Variants in TSPAN1 observed in about 807,000 individuals in gnomAD.
The protein encoded by TSPAN1 is tetraspanin-1.
A neutral mutation model predicts 26.9 loss-of-function variants in TSPAN1; 23 were observed. The observed-to-expected ratio is 0.85, with a 90% confidence interval of 0.62 to 1.21. TSPAN1 has a LOEUF of 1.21. Among genes scored for constraint, TSPAN1 ranks in the 50% most tolerant of loss-of-function variants. TSPAN1 has a pLI of 0.00. For missense variants in TSPAN1, 283 were observed against 298.4 expected, an observed-to-expected ratio of 0.95 and a Z score of 0.38; for synonymous variants, 115 against 114.8, an observed-to-expected ratio of 1.00 and a Z score of -0.01.
chr1:46,176,806 A>G (rs1657184017), intron 1 of TSPAN1, among the ~76,000 whole-genome samples: 1 of 152,226 alleles, frequency 6.6e-6, no homozygotes, highest in South Asian at 2.1e-4. Flanking sequence ...TGAGCACTTT[A>G]CCAACGTTAT....
At chr1:46,190,121 T>TG, downstream of TSPAN1, 4 of 1,047,554 alleles carry the variant, frequency 3.8e-6, no homozygotes, top group Admixed American at 5.5e-5. Context: ...TTTTTTGAGA[T>TG]GGAGTCTTGC....
downstream of TSPAN1, chr1:46,190,399 G>A (rs1186033484): frequency 2.0e-6 from 3 of 1,511,790 alleles, no homozygotes; most frequent in Non-Finnish European, 2.8e-6. Flanking sequence ...ACAGGACCCT[G>A]TAAATTATGG....
intron 1 of TSPAN1, chr1:46,175,963 C>G: frequency 1.9e-6 from 1 of 514,424 alleles, no homozygotes; most frequent in Non-Finnish European, 3.5e-6. Flanking sequence ...ACCTCTGCCT[C>G]CCGGGTTCAA....
chr1:46,179,207 C>A lies in TSPAN1; in HGVS notation c.-141-1319C>A, dbSNP rs1008773174. On this transcript the variant is annotated intron_variant, in intron 1 of 8. Coordinates refer to ENST00000372003, the MANE Select transcript of TSPAN1 (RefSeq NM_005727.4). ...TGCCGGCAAATACCTGTGGTCCCAGCTACTTGGGAGGCTGAGGATCATTTG... is the reference window on the plus strand; with the variant it reads ...TGCCGGCAAATACCTGTGGTCCCAGATACTTGGGAGGCTGAGGATCATTTG... Among the ~76,000 whole-genome samples, 38 of 151,574 alleles carry A rather than the reference C, an allele frequency of 2.5e-4. 1 individual carries two copies. The highest frequency in any genetic ancestry group is 9.0e-4 in the African/African-American group (37 of 41,194).
the TSPAN1 span, chr1:46,193,741 G>A: frequency 6.3e-7 from 1 of 1,598,634 alleles, no homozygotes; most frequent in Non-Finnish European, 8.5e-7. Flanking sequence ...ACCCACAGAG[G>A]TGAATGCGTC....
At chr1:46,193,544 AC>A in the TSPAN1 span, 25 of 1,613,806 alleles carry the variant, frequency 1.5e-5, no homozygotes, top group Non-Finnish European at 1.9e-5. Context: ...CACCCGAGGC[AC>A]CCCCCAAGTC....
the TSPAN1 span, chr1:46,195,763 G>C: frequency 6.6e-7 from 1 of 1,508,774 alleles, no homozygotes; most frequent in Non-Finnish European, 9.0e-7. Flanking sequence ...GCTAGAAGCA[G>C]GGTTGGAGCT....
intron 1 of TSPAN1, chr1:46,176,344 T>G (rs767561998): frequency 3.3e-6 from 5 of 1,535,752 alleles, no homozygotes; most frequent in African/African-American, 1.4e-5. Flanking sequence ...GAGACCCTGT[T>G]GATATCTTCT....
intron 1 of TSPAN1, among the ~76,000 whole-genome samples, chr1:46,179,428 C>T (rs563717611): frequency 6.6e-6 from 1 of 152,082 alleles, no homozygotes; most frequent in Admixed American, 6.6e-5. Flanking sequence ...CCTTCTAGAG[C>T]AGGAAGAAAA....
the TSPAN1 span, chr1:46,193,814 C>T: frequency 5.0e-6 from 8 of 1,612,266 alleles, no homozygotes; most frequent in East Asian, 1.6e-4. Flanking sequence ...ACCTAAGCAC[C>T]CTCCTGTTCA....
downstream of TSPAN1, chr1:46,188,539 C>T (rs548270013): frequency 3.2e-5 from 36 of 1,111,026 alleles, 1 homozygote; most frequent in South Asian, 6.0e-4. Context: ...GAGACTCAGG[C>T]ATCCCCTGGT....
downstream of TSPAN1, chr1:46,189,922 G>C (rs1484482210): frequency 1.9e-6 from 3 of 1,613,996 alleles, no homozygotes; most frequent in Non-Finnish European, 2.5e-6. Context: ...ACGTAGGTGT[G>C]GCCCTCTGTG....
At chr1:46,189,059 C>G (rs1657533841), downstream of TSPAN1, 7 of 1,529,204 alleles carry the variant, frequency 4.6e-6, no homozygotes, top group South Asian at 2.6e-5. Flanking sequence ...CTGCCCTTCT[C>G]CAACAAGGAA....
chr1:46,188,473 G>C (rs924948213), downstream of TSPAN1, among the ~76,000 whole-genome samples: 4 of 152,188 alleles, frequency 2.6e-5, no homozygotes, highest in Non-Finnish European at 5.9e-5. Context: ...CCTCAAGTAG[G>C]GCGGGGCTAA....
chr1:46,183,225 C>T (rs1657352727), intron 3 of TSPAN1, among the ~76,000 whole-genome samples: 1 of 152,210 alleles, frequency 6.6e-6, no homozygotes, highest in Non-Finnish European at 1.5e-5. Flanking sequence ...GATTTCTGGC[C>T]TCTGTTACCC....
At chr1:46,181,230 C>A in intron 3 of TSPAN1, 66 bp downstream of exon 3, 1 of 1,504,670 alleles carries the variant, frequency 6.6e-7, no homozygotes, top group Non-Finnish European at 9.1e-7. Flanking sequence ...TGAGTAGAGA[C>A]TAAGCTGGGG....
the TSPAN1 span, chr1:46,192,554 A>G: frequency 3.1e-6 from 5 of 1,614,178 alleles, no homozygotes; most frequent in South Asian, 5.5e-5. Context: ...ACAGGCTGTC[A>G]TCCTCCTCCA....
chr1:46,176,254 G>A (rs192770875), intron 1 of TSPAN1: 1 of 1,535,752 alleles, frequency 6.5e-7, no homozygotes, highest in Non-Finnish European at 8.7e-7. Flanking sequence ...CCACACTATG[G>A]TGGTGTCAGT....
At chr1:46,176,181 C>T (rs1657151448) in intron 1 of TSPAN1, 3 of 1,532,354 alleles carry the variant, frequency 2.0e-6, no homozygotes, top group Non-Finnish European at 2.6e-6. Flanking sequence ...AGCCTAGTGG[C>T]TCTGTTTTTT....
Sources: allele counts gnomAD v4.1 joint callset (sites outside exome capture counted in the v4.1 genomes callset), GRCh38; gene constraint gnomAD v4.1.1; transcripts MANE v1.5; gene names NCBI Gene and HGNC (gene_info 2026-07-23, HGNC 2026-07-21).